The following MDGA2 variants were observed in gnomAD, a reference collection of about 807,000 sequenced individuals.
The protein encoded by MDGA2 is MAM domain containing glycosylphosphatidylinositol anchor 2, also known as MAM domain-containing glycosylphosphatidylinositol anchor protein 2.
Under a neutral mutation model 117.8 loss-of-function variants are expected in MDGA2, and 40 were observed. That is an observed-to-expected ratio of 0.34 (90% CI 0.26 to 0.44). The LOEUF (loss-of-function observed/expected upper bound fraction) is 0.44. MDGA2 is among the 20% of genes least tolerant of loss of function. The pLI, the probability that MDGA2 is intolerant of heterozygous loss-of-function variation, is 1.00. For synonymous variants in MDGA2, 452 were observed against 439.0 expected (o/e 1.03, Z -0.37); for missense variants, 1,123 against 1,250.6 (o/e 0.90, Z 1.54).
intron 8 of MDGA2, among the ~76,000 whole-genome samples, chr14:46,982,734 A>AAAAAAAAAAAAAAAATAATAAT (rs1449356596): frequency 7.7e-6 from 1 of 130,326 alleles, no homozygotes; most frequent in African/African-American, 2.8e-5. Flanking sequence ...AAAAAAAAAA[A>AAAAAAAAAAAAAAAATAATAAT]AATCATGTCA....
rs192413726 is a variant in MDGA2 at position 46,932,891 on chromosome 14, G to T, written c.2090-12731C>A. ...GATAATCACGAGAAATATATAAAAA[G>T]ATTTCTAGAACTAATAAGTTAGTTC... On this transcript the variant is annotated intron_variant, in intron 9 of 16. Coordinates refer to ENST00000399232, the MANE Select transcript of MDGA2 (RefSeq NM_001113498.3). 4.7e-4 allele frequency among the ~76,000 whole-genome samples: 72 copies of T among 151,668 alleles called. 2 individuals carry two copies. The South Asian group carries it at 8.7e-3, about 18-fold the overall frequency.
At chr14:47,488,943 A>G (rs1894113128) in intron 1 of MDGA2, among the ~76,000 whole-genome samples, 1 of 152,032 alleles carries the variant, frequency 6.6e-6, no homozygotes, top group Admixed American at 6.6e-5. Flanking sequence ...TGATCTGATA[A>G]TTTGCAAAAC....
At chr14:47,175,573 GA>G (rs1884403344) in intron 3 of MDGA2, among the ~76,000 whole-genome samples, 2 of 151,954 alleles carry the variant, frequency 1.3e-5, no homozygotes, top group African/African-American at 4.8e-5. Flanking sequence ...AATAGATGCA[GA>G]AAAGGCCTTT....
rs142596535 is a variant in MDGA2, at chr14:47,289,159, T to C, written c.420+12252A>G. Among the ~76,000 whole-genome samples the C allele has an allele frequency of 3.6e-3, 547 of 152,172 alleles. 3 individuals are homozygous for C. The highest frequency in any genetic ancestry group is 0.012 in the African/African-American group (516 of 41,544). ...AACTCAAGTAAATTAATTGTCTTAA[T>C]TGGCATCTTTAATGTGCTAACCAAA... On this transcript the variant is annotated intron_variant, in intron 2 of 16. Transcript: ENST00000399232.
At chr14:47,104,751 G>A (rs1391176813) in intron 5 of MDGA2, among the ~76,000 whole-genome samples, 4 of 152,068 alleles carry the variant, frequency 2.6e-5, no homozygotes, top group Admixed American at 1.3e-4. Context: ...TCTTTGCTCC[G>A]TGAGAAAGAT....
intron 5 of MDGA2, among the ~76,000 whole-genome samples, chr14:47,119,251 G>C (rs1308279635): frequency 6.9e-6 from 1 of 145,082 alleles, no homozygotes; most frequent in Non-Finnish European, 1.5e-5. Flanking sequence ...ATTTTTAGTA[G>C]AGACGGGGTT....
intron 8 of MDGA2, among the ~76,000 whole-genome samples, chr14:46,993,285 T>A (rs187457003): frequency 2.5e-4 from 38 of 152,282 alleles, no homozygotes; most frequent in African/African-American, 9.1e-4. Context: ...GCCTTCTCTA[T>A]CAACATTTTA....
At chr14:47,252,794 T>C (rs1279290017) in intron 2 of MDGA2, among the ~76,000 whole-genome samples, 2 of 152,192 alleles carry the variant, frequency 1.3e-5, no homozygotes, top group African/African-American at 4.8e-5. Context: ...AAATAACATG[T>C]ACACGTGTAT....
intron 6 of MDGA2, among the ~76,000 whole-genome samples, chr14:47,077,380 T>A (rs1890534117): frequency 6.6e-6 from 1 of 152,120 alleles, no homozygotes; most frequent in Non-Finnish European, 1.5e-5. Context: ...AAGATGTACA[T>A]GAACTTTATC....
rs563572451 is a variant in MDGA2, at chr14:47,397,032, G to A, written c.281-95482C>T. Among the ~76,000 whole-genome samples, 7 of 152,254 alleles carry A rather than the reference G, an allele frequency of 4.6e-5. No homozygotes were observed. In the South Asian group the frequency reaches 1.2e-3, roughly 27 times the overall value. ...TTCTACTATAAAGACACATGCACAC[G>A]TATGTTTATTGCAGCACTGTTCACA... On this transcript the variant is annotated intron_variant, in intron 1 of 16. Transcript: ENST00000399232.
intron 1 of MDGA2, chr14:47,305,972 C>G (rs116489426): frequency 9.2e-4 from 140 of 152,228 alleles, no homozygotes; most frequent in African/African-American, 3.1e-3. Context: ...ACAGTGTGCT[C>G]AAAGGCAAAT....
At chr14:47,214,181 T>A (rs1383993676) in intron 3 of MDGA2, among the ~76,000 whole-genome samples, 1 of 152,036 alleles carries the variant, frequency 6.6e-6, no homozygotes, top group Non-Finnish European at 1.5e-5. Flanking sequence ...TGTGTGGGCA[T>A]GGGGGAAACT....
chr14:47,172,095 G>A (rs1000127424), intron 3 of MDGA2, among the ~76,000 whole-genome samples: 11 of 152,174 alleles, frequency 7.2e-5, no homozygotes, highest in Non-Finnish European at 1.5e-4. Flanking sequence ...GGCTGGGGGA[G>A]GGGCACCCAC....
chr14:46,878,254 C>T (rs1375237568), intron 11 of MDGA2, among the ~76,000 whole-genome samples: 2 of 151,876 alleles, frequency 1.3e-5, no homozygotes, highest in African/African-American at 4.8e-5. Context: ...ACAAAAATAT[C>T]TCTCATCTAA....
intron 8 of MDGA2, among the ~76,000 whole-genome samples, chr14:46,974,322 G>A (rs548595810): frequency 5.3e-5 from 8 of 152,030 alleles, no homozygotes; most frequent in South Asian, 2.1e-4. Context: ...CAGATTCAAC[G>A]CAATCCCTAT....
At chr14:47,421,836 C>T (rs1268265288) in intron 1 of MDGA2, among the ~76,000 whole-genome samples, 1 of 152,022 alleles carries the variant, frequency 6.6e-6, no homozygotes, top group Non-Finnish European at 1.5e-5. Context: ...TTAAAAAATA[C>T]AAGAATGCAT....
At chr14:47,099,653 AG>A (rs1880186163) in intron 5 of MDGA2, among the ~76,000 whole-genome samples, 3 of 151,948 alleles carry the variant, frequency 2.0e-5, no homozygotes, top group Admixed American at 2.0e-4. Flanking sequence ...GTGATAGTTA[AG>A]TGGTAAGAGT....
At chr14:47,179,583 C>T (rs1884616629) in intron 3 of MDGA2, among the ~76,000 whole-genome samples, 1 of 151,914 alleles carries the variant, frequency 6.6e-6, no homozygotes, top group African/African-American at 2.4e-5. Flanking sequence ...TTTGTAAAAT[C>T]ATTTTTTTAT....
At chr14:46,929,667 TC>T (rs201473433) in intron 9 of MDGA2, among the ~76,000 whole-genome samples, 4,480 of 88,538 alleles carry the variant, frequency 0.051, 1,663 homozygotes, top group African/African-American at 0.24. Context: ...TTTTTTTTTT[TC>T]GAGATGGACT....
Sources: gnomAD v4.1 joint callset for allele counts (sites outside exome capture counted in the v4.1 genomes callset) on GRCh38, gnomAD v4.1.1 for gene constraint, MANE v1.5 for transcripts, NCBI Gene and HGNC (gene_info 2026-07-23, HGNC 2026-07-21) for gene names.